Variants in MSRB2 observed in about 807,000 individuals in gnomAD.
The protein encoded by MSRB2 is methionine-R-sulfoxide reductase B2, mitochondrial.
In MSRB2, 17 loss-of-function variants were observed where a neutral mutation model predicts 19.0. The ratio of observed to expected loss-of-function variants is 0.89; its 90% CI spans 0.61 to 1.34. The LOEUF (loss-of-function observed/expected upper bound fraction) is 1.34. Among genes scored for constraint, MSRB2 ranks in the 40% most tolerant of loss-of-function variants. The pLI, the probability that MSRB2 is intolerant of heterozygous loss-of-function variation, is 0.00. For missense variants in MSRB2, 208 were observed against 237.6 expected, an observed-to-expected ratio of 0.88 and a Z score of 0.82; for synonymous variants, 107 against 99.7, an observed-to-expected ratio of 1.07 and a Z score of -0.44.
intron 2 of MSRB2, among the ~76,000 whole-genome samples, chr10:23,105,273 T>G (rs7094224): frequency 1.3e-5 from 2 of 151,630 alleles, no homozygotes; most frequent in African/African-American, 4.8e-5. Flanking sequence ...TTGAGAAAAT[T>G]TGTTACACAT....
chr10:23,120,984 G>A lies in MSRB2; in HGVS notation c.*122G>A, dbSNP rs1840175797. 2.9e-6 allele frequency: 2 copies of A among 684,234 alleles called. No individual in the cohort carries two copies. The highest frequency in any genetic ancestry group is 5.0e-6 in the Non-Finnish European group (2 of 399,250). 42.4% of individuals were successfully genotyped at this position (684,234 alleles called of 1,614,324 possible). A position where few individuals can be genotyped will look rare whatever the true frequency, so the allele number is the denominator to read the frequency against. ...GGCTGAATTTGCTGCTGTCTCCAGC[G>A]AGTCATTGCTTCTCTTAATTTATTT... is the stretch of plus-strand genomic sequence containing the variant. On this transcript the variant is annotated 3_prime_UTR_variant, in exon 5 of 5. Coordinates refer to ENST00000376510, the MANE Select transcript of MSRB2 (RefSeq NM_012228.4).
chr10:23,103,584 TA>T (rs1839949042), intron 1 of MSRB2, among the ~76,000 whole-genome samples: 1 of 152,188 alleles, frequency 6.6e-6, no homozygotes, highest in Admixed American at 6.5e-5. Flanking sequence ...TAGATTATGG[TA>T]GGTCTGTTTC....
Position 23,121,092 on chromosome 10 carries a change from G to GAA in MSRB2, c.*238_*239dup. ...ACCTGATCAGGATCTGGGAGAATTT[G>GAA]AAAAAAAAAGAAAAACTAGAAAAAT... is the stretch of plus-strand genomic sequence containing the variant. On this transcript the variant is annotated 3_prime_UTR_variant, in exon 5 of 5. Transcript: ENST00000376510. 4 of 370,368 alleles carry GAA rather than the reference G, an allele frequency of 1.1e-5. No homozygotes were observed. In the East Asian group the frequency reaches 1.6e-4, roughly 15 times the overall value. The allele number at this position is 370,368 out of a possible 1,614,324, so 22.9% of individuals were successfully genotyped here. A position where few individuals can be genotyped will look rare whatever the true frequency, so the allele number is the denominator to read the frequency against.
intron 1 of MSRB2, 72 bp from the exon 2 acceptor site, chr10:23,104,072 A>G: frequency 3.3e-6 from 4 of 1,220,394 alleles, no homozygotes; most frequent in Non-Finnish European, 3.5e-6. Context: ...ACACTTAGGG[A>G]AAAAGGTCAA....
chr10:23,101,336 A>C (rs777627580), intron 1 of MSRB2, among the ~76,000 whole-genome samples: 5 of 152,118 alleles, frequency 3.3e-5, no homozygotes, highest in Admixed American at 1.3e-4. Context: ...GAATGCCATT[A>C]TTTTGTTCCT....
chr10:23,095,811 TC>T, intron 1 of MSRB2, 85 bp downstream of exon 1: 1 of 957,580 alleles, frequency 1.0e-6, no homozygotes, highest in Non-Finnish European at 1.4e-6. Context: ...CTAGGGCCGG[TC>T]CAGGCCGGGC....
At chr10:23,118,005 TC>T (rs1741780104) in intron 3 of MSRB2, among the ~76,000 whole-genome samples, 2 of 152,266 alleles carry the variant, frequency 1.3e-5, no homozygotes, top group African/African-American at 4.8e-5. Context: ...AGATCTGAAA[TC>T]CGAAACACTT....
chr10:23,112,863 C>T (rs1162001040), intron 3 of MSRB2, among the ~76,000 whole-genome samples: 5 of 152,192 alleles, frequency 3.3e-5, no homozygotes, highest in Non-Finnish European at 7.3e-5. Flanking sequence ...GGATTACAGG[C>T]GTGAGCCAGC....
At chr10:23,110,083 T>C (rs890279938) in intron 2 of MSRB2, among the ~76,000 whole-genome samples, 159 bp from the exon 3 acceptor site, 8 of 152,258 alleles carry the variant, frequency 5.3e-5, no homozygotes, top group Non-Finnish European at 8.8e-5. Flanking sequence ...GGCTGCTTCA[T>C]TGGGTACATT....
At position 23,110,323 on chromosome 10, in the gene MSRB2, G is replaced by A; in HGVS notation, c.296+5G>A. The stretch of plus-strand genomic sequence containing the variant: ...CTGCGACAGTCCACTCTTCAGGTAA[G>A]ATAAAGAATTGAGAGCCACGGAAGG... On this transcript the variant is annotated splice_donor_5th_base_variant and intron_variant, in intron 3 of 4. Transcript: ENST00000376510. The A allele has an allele frequency of 1.2e-6, 2 of 1,612,696 alleles. No homozygotes were observed. The highest frequency in any genetic ancestry group is 1.7e-6 in the Non-Finnish European group (2 of 1,178,960).
intron 3 of MSRB2, among the ~76,000 whole-genome samples, chr10:23,117,482 A>T (rs1327009689): frequency 3.9e-5 from 6 of 152,200 alleles, no homozygotes; most frequent in African/African-American, 1.4e-4. Context: ...TCTTCTCATG[A>T]AATGTTTGTT....
chr10:23,105,212 CTGTG>C (rs36039793), intron 2 of MSRB2, among the ~76,000 whole-genome samples: 23,481 of 147,072 alleles, frequency 0.16, 1,985 homozygotes, highest in African/African-American at 0.22. Flanking sequence ...CTCTGTGTGT[CTGTG>C]TGTGTGTGTG....
At chr10:23,098,689 T>C (rs947465239) in intron 1 of MSRB2, among the ~76,000 whole-genome samples, 11 of 152,186 alleles carry the variant, frequency 7.2e-5, no homozygotes, top group African/African-American at 2.7e-4. Context: ...ACTTGACTCA[T>C]TCCCAAGTGA....
intron 2 of MSRB2, among the ~76,000 whole-genome samples, chr10:23,105,403 T>G (rs147536454): frequency 8.5e-4 from 130 of 152,298 alleles, no homozygotes; most frequent in African/African-American, 3.1e-3. Context: ...TCCTTTTCTC[T>G]TACTGTATGT....
In MSRB2 at chr10:23,119,335, TGGCCTTCGTTTTCCGA is replaced by T. The variant is rs1444452489; in HGVS notation, c.332_347del (p.Pro111LeufsTer15). On this transcript the variant is annotated frameshift_variant, in exon 4 of 5. Transcript: ENST00000376510. LOFTEE classifies it high-confidence loss of function. ...GAAAAAGTACTGCTCTGGCACTGGG[TGGCCTTCGTTTTCCGA>T]GGCTCATGGTACGTCTGGCTCTGAT... The T allele has an allele frequency of 6.2e-7, 1 of 1,614,164 alleles. No homozygotes were observed. The highest frequency in any genetic ancestry group is 1.1e-5 in the South Asian group (1 of 91,080).
At chr10:23,119,574 T>TG in intron 4 of MSRB2, 123 bp downstream of exon 4, 3 of 1,179,760 alleles carry the variant, frequency 2.5e-6, no homozygotes, top group Non-Finnish European at 3.6e-6. Flanking sequence ...TCAGAACACA[T>TG]GGGGTTTCTT....
rs1839850660 is a variant in MSRB2, at chr10:23,095,633, C to G, written c.25C>G (p.Arg9Gly). Reference protein sequence around the residue: MARLLWLLRGLTLGTAPRR... With the variant: MARLLWLLGGLTLGTAPRR... The stretch of plus-strand genomic sequence containing the variant: ...CATGGCGCGGCTCCTCTGGTTGCTC[C>G]GGGGCCTGACCCTCGGAACTGCGCC... The change falls in exon 1 of 5, where the codon CGG becomes GGG. Residue 9 changes from arginine to glycine, a missense_variant. Coordinates refer to ENST00000376510, the MANE Select transcript of MSRB2 (RefSeq NM_012228.4). The G allele has an allele frequency of 6.8e-7, 1 of 1,462,802 alleles. No individual in the cohort carries two copies. The highest frequency in any genetic ancestry group is 1.3e-5 in the South Asian group (1 of 77,034). The allele number at this position is 1,462,802 out of a possible 1,614,324, so 90.6% of individuals were successfully genotyped here. A position where few individuals can be genotyped will look rare whatever the true frequency, so the allele number is the denominator to read the frequency against.
At chr10:23,099,732 A>T (rs909895652) in intron 1 of MSRB2, among the ~76,000 whole-genome samples, 1 of 152,162 alleles carries the variant, frequency 6.6e-6, no homozygotes, top group African/African-American at 2.4e-5. Flanking sequence ...TCGGTCTCTT[A>T]AAAAAATTAG....
intron 1 of MSRB2, among the ~76,000 whole-genome samples, chr10:23,100,279 A>G (rs1839913440): frequency 6.6e-6 from 1 of 152,152 alleles, no homozygotes. Flanking sequence ...GGAACCCAGG[A>G]CATACACTCT....
Sources: allele counts gnomAD v4.1 joint callset (sites outside exome capture counted in the v4.1 genomes callset), GRCh38; gene constraint gnomAD v4.1.1; transcripts MANE v1.5; gene names NCBI Gene and HGNC (gene_info 2026-07-23, HGNC 2026-07-21).